Variants in RPP38 observed in about 807,000 individuals in gnomAD.
The protein encoded by RPP38 is ribonuclease P/MRP subunit p38, also known as ribonuclease P protein subunit p38.
A neutral mutation model predicts 1.7 loss-of-function variants in RPP38; 2 were observed. That is an observed-to-expected ratio of 1.18 (90% CI 0.48 to 3.70). The LOEUF (loss-of-function observed/expected upper bound fraction) is 3.70, where lower values mean the gene tolerates loss of function less well. Among genes scored for constraint, RPP38 ranks in the 30% most tolerant of loss-of-function variants. RPP38 has a pLI of 0.07. For synonymous variants in RPP38, 151 were observed against 131.8 expected (o/e 1.15, Z -1.00); for missense variants, 358 against 340.1 (o/e 1.05, Z -0.41).
chr10:15,098,288 G>T (rs139401585), intron 1 of RPP38, among the ~76,000 whole-genome samples: 1,850 of 142,756 alleles, frequency 0.013, 49 homozygotes, highest in African/African-American at 0.047. Context: ...GCAGTGGCGC[G>T]ATTCCGGCTC....
chr10:15,101,788 G>A (rs1255486094), intron 1 of RPP38, among the ~76,000 whole-genome samples: 5 of 152,132 alleles, frequency 3.3e-5, no homozygotes, highest in Non-Finnish European at 5.9e-5. Context: ...TACTCCGGAG[G>A]CTGTGGCAGG....
rs764733426 is a variant in RPP38, at chr10:15,103,820, C to G, written c.506C>G (p.Ala169Gly). ...CQVPRLSERIAPVIGLKCVLA... is the reference protein window; with the variant it reads ...CQVPRLSERIGPVIGLKCVLA... ...GTCCCCCGGCTCAGTGAGAGAATCG[C>G]CCCCGTCATTGGCTTAAAATGTGTT... Residue 169 changes from alanine to glycine, a missense_variant, in exon 3 of 3, where the codon GCC (alanine) becomes GGC (glycine). Coordinates refer to ENST00000378197, the MANE Select transcript of RPP38 (RefSeq NM_183005.5). 15 of 1,613,936 alleles carry G rather than the reference C, an allele frequency of 9.3e-6. No homozygotes were observed. The highest frequency in any genetic ancestry group is 1.2e-5 in the Non-Finnish European group (14 of 1,180,032).
Position 15,104,163 on chromosome 10 carries a change from G to A in RPP38, c.849G>A (p.Lys283=). The A allele has an allele frequency of 6.4e-7, 1 of 1,562,988 alleles. No individual in the cohort carries two copies. Among genetic ancestry groups the A allele is most frequent in the Non-Finnish European group, 8.6e-7 (1 of 1,161,574 alleles). Reference sequence around the variant, plus strand: ...CCAAAAGTAAAAAAGCTACTCCAAAGTAATCTTGCATAAACTTGTCATGTC... The same window carrying A: ...CCAAAAGTAAAAAAGCTACTCCAAAATAATCTTGCATAAACTTGTCATGTC... ...KPPKSKKATP[K] The change falls in exon 3 of 3, where the codon AAG becomes AAA. Residue 283 remains lysine, a synonymous_variant. Transcript: ENST00000378197.
chr10:15,099,525 A>C (rs114542472), intron 1 of RPP38, among the ~76,000 whole-genome samples: 1,515 of 149,478 alleles, frequency 0.01, 27 homozygotes, highest in African/African-American at 0.036. Context: ...CCCAGGCTGG[A>C]GCACAGTGGT....
chr10:15,104,043 G>A lies in RPP38; in HGVS notation c.729G>A (p.Lys243=). ...CATTTGAAGATCTGTCAAAACCTAA[G>A]AGAAAGCTTGCTGACGGTCGGCAGG... The part of the protein sequence containing the change: ...DTSFEDLSKP[K]RKLADGRQAS... The change falls in exon 3 of 3, where the codon AAG becomes AAA. Residue 243 remains lysine (K), a synonymous_variant. Transcript: ENST00000378197. The A allele has an allele frequency of 1.2e-6, 2 of 1,614,132 alleles. No individual in the cohort carries two copies. The highest frequency in any genetic ancestry group is 8.5e-7 in the Non-Finnish European group (1 of 1,180,040).
chr10:15,098,325 A>G (rs1046895128), intron 1 of RPP38, among the ~76,000 whole-genome samples: 1 of 144,158 alleles, frequency 6.9e-6, no homozygotes, highest in African/African-American at 2.7e-5. Flanking sequence ...GCCGGGTTCA[A>G]GCGATTCTCC....
In RPP38 at chr10:15,103,913, T is replaced by A. The variant is rs1845210120; in HGVS notation, c.599T>A (p.Val200Asp). The A allele has an allele frequency of 6.2e-7, 1 of 1,613,790 alleles. No homozygotes were observed. The highest frequency in any genetic ancestry group is 8.5e-7 in the Non-Finnish European group (1 of 1,179,978). Reference protein sequence around the residue: ...VDEVRAIIPRVPSLSVPWLQD... With the variant: ...VDEVRAIIPRDPSLSVPWLQD... ...GAAGTAAGAGCCATCATCCCCAGAG[T>A]CCCCAGTTTAAGTGTACCATGGCTT... Residue 200 changes from valine (V) to aspartate (D), a missense_variant, in exon 3 of 3, where the codon GTC becomes GAC. Coordinates refer to ENST00000378197, the MANE Select transcript of RPP38 (RefSeq NM_183005.5).
At chr10:15,100,426 T>C (rs1845076875) in intron 1 of RPP38, among the ~76,000 whole-genome samples, 1 of 151,948 alleles carries the variant, frequency 6.6e-6, no homozygotes, top group Non-Finnish European at 1.5e-5. Context: ...GATAATGGGG[T>C]CAGGGGACAC....
At chr10:15,103,136 G>A in intron 2 of RPP38, 169 bp from the exon 3 acceptor site, 1 of 511,058 alleles carries the variant, frequency 2.0e-6, no homozygotes. Context: ...AGGTTGCAGT[G>A]AGCTGAGATT....
Position 15,103,459 on chromosome 10 carries a change from G to A in RPP38, c.145G>A (p.Glu49Lys). The change falls in exon 3 of 3, where the codon GAG (glutamate) becomes AAG (lysine). Residue 49 changes from glutamate (E) to lysine (K), a missense_variant. By Grantham distance (56) the Glu-to-Lys change is moderately conservative. Coordinates refer to ENST00000378197, the MANE Select transcript of RPP38 (RefSeq NM_183005.5). ...TATGCACTTCATCCTACAGACGCTT[G>A]AGGACAGGCTTAAAGCTATTGGACT... The part of the protein sequence containing the change: ...EDMHFILQTL[E>K]DRLKAIGLQK... 1 of 1,614,206 alleles carries A rather than the reference G, an allele frequency of 6.2e-7. No individual in the cohort carries two copies. The highest frequency in any genetic ancestry group is 8.5e-7 in the Non-Finnish European group (1 of 1,180,030).
At position 15,097,385 on chromosome 10, in the gene RPP38, A is replaced by C. The variant is rs1293030367; in HGVS notation, c.-511A>C. On this transcript the variant is annotated 5_prime_UTR_variant, in exon 1 of 3. Transcript: ENST00000378197. ...CCGGTGCTGTTGCCTTCAGGTGACCACGGATTCGCCATCGTGAGTTCCAGG... is the reference window on the plus strand; with the variant it reads ...CCGGTGCTGTTGCCTTCAGGTGACCCCGGATTCGCCATCGTGAGTTCCAGG... The C allele has an allele frequency of 6.6e-6, 1 of 152,250 alleles. No homozygotes were observed. The highest frequency in any genetic ancestry group is 2.4e-5 in the African/African-American group (1 of 41,456). The allele number at this position is 152,250 out of a possible 1,614,324, so 9.4% of individuals were successfully genotyped here.
At chr10:15,098,756 C>G (rs1368347129) in intron 1 of RPP38, among the ~76,000 whole-genome samples, 6 of 151,452 alleles carry the variant, frequency 4.0e-5, no homozygotes. Context: ...CGTGATGGCC[C>G]GTGCCTGTAG....
In RPP38 at chr10:15,103,917, C is replaced by T; in HGVS notation, c.603C>T (p.Pro201=). 6.2e-7 allele frequency: 1 copy of T among 1,614,156 alleles called. No homozygotes were observed. The highest frequency in any genetic ancestry group is 1.1e-5 in the South Asian group (1 of 91,080). ...TAAGAGCCATCATCCCCAGAGTCCC[C>T]AGTTTAAGTGTACCATGGCTTCAAG... ...DEVRAIIPRV[P]SLSVPWLQDR... Residue 201 remains proline (P), a synonymous_variant, in exon 3 of 3, where the codon CCC becomes CCT. Coordinates refer to ENST00000378197, the MANE Select transcript of RPP38 (RefSeq NM_183005.5).
intron 2 of RPP38, 32 bp from the exon 3 acceptor site, chr10:15,103,273 A>T (rs753597330): frequency 7.8e-6 from 12 of 1,537,810 alleles, no homozygotes; most frequent in East Asian, 4.5e-5. Flanking sequence ...GCTAACATGA[A>T]TTTTTTCTGT....
rs1374661201 is a variant in RPP38 at position 15,104,047 on chromosome 10, A to G, written c.733A>G (p.Lys245Glu). The G allele has an allele frequency of 6.2e-7, 1 of 1,614,110 alleles. No individual in the cohort carries two copies. The highest frequency in any genetic ancestry group is 8.5e-7 in the Non-Finnish European group (1 of 1,180,020). Reference protein sequence around the residue: ...SFEDLSKPKRKLADGRQASVT... With the variant: ...SFEDLSKPKRELADGRQASVT... ...TGAAGATCTGTCAAAACCTAAGAGA[A>G]AGCTTGCTGACGGTCGGCAGGCTTC... Residue 245 changes from lysine to glutamate, a missense_variant, in exon 3 of 3, where the codon AAG becomes GAG. Coordinates refer to ENST00000378197, the MANE Select transcript of RPP38 (RefSeq NM_183005.5).
intron 2 of RPP38, chr10:15,102,620 A>G (rs1303357500): frequency 6.6e-6 from 1 of 150,610 alleles, no homozygotes; most frequent in African/African-American, 2.4e-5. Flanking sequence ...TATTTTTAAT[A>G]AATGAAATAG....
chr10:15,098,131 A>G (rs1844996704), intron 1 of RPP38, among the ~76,000 whole-genome samples: 1 of 151,760 alleles, frequency 6.6e-6, no homozygotes, highest in African/African-American at 2.4e-5. Context: ...AACGCTTGCA[A>G]AGGTCTTCAT....
At chr10:15,100,555 A>G (rs962598337) in intron 1 of RPP38, among the ~76,000 whole-genome samples, 2 of 152,052 alleles carry the variant, frequency 1.3e-5, no homozygotes, top group East Asian at 1.9e-4. Context: ...TCTGTGGGAA[A>G]GTGTCTGGGA....
chr10:15,098,905 A>AAAAATC (rs1554818067), intron 1 of RPP38, among the ~76,000 whole-genome samples: 2 of 137,034 alleles, frequency 1.5e-5, no homozygotes, highest in Non-Finnish European at 3.1e-5. Flanking sequence ...AAAAAAAAAA[A>AAAAATC]AGTTCCTCTG....
Sources: allele counts gnomAD v4.1 joint callset (sites outside exome capture counted in the v4.1 genomes callset), GRCh38; gene constraint gnomAD v4.1.1; transcripts MANE v1.5; gene names NCBI Gene and HGNC (gene_info 2026-07-23, HGNC 2026-07-21).